CTDSPL: variants seen among roughly 807,000 people sequenced by gnomAD.
CTDSPL encodes the protein CTD small phosphatase like.
A neutral mutation model predicts 30.5 loss-of-function variants in CTDSPL; 8 were observed. That is an observed-to-expected ratio of 0.26 (90% CI 0.15 to 0.47). The LOEUF (loss-of-function observed/expected upper bound fraction) is 0.47. CTDSPL is among the 20% of genes least tolerant of loss of function. The pLI, the probability that CTDSPL is intolerant of heterozygous loss-of-function variation, is 0.99. For missense variants in CTDSPL, 248 were observed against 366.1 expected, an observed-to-expected ratio of 0.68 and a Z score of 2.63; for synonymous variants, 110 against 137.9, an observed-to-expected ratio of 0.80 and a Z score of 1.42.
At position 37,960,529 on chromosome 3, in the gene CTDSPL, TATATATACACACAC is replaced by T. The variant is rs1194279716; in HGVS notation, c.267+3388_267+3401del. ...AAATATATATATATATATATATATA[TATATATACACACAC>T]ACACACACACACACACACACACACA... On this transcript the variant is annotated intron_variant, in intron 3 of 7. Coordinates refer to ENST00000273179, the MANE Select transcript of CTDSPL (RefSeq NM_001008392.2). Among the ~76,000 whole-genome samples, 383 of 59,582 alleles carry T rather than the reference TATATATACACACAC, an allele frequency of 6.4e-3. 1 individual carries two copies. The highest frequency in any genetic ancestry group is 0.015 in the African/African-American group (197 of 12,884). The allele number at this position is 59,582 out of a possible 152,430, so 39.1% of individuals were successfully genotyped here.
intron 1 of CTDSPL, among the ~76,000 whole-genome samples, chr3:37,886,595 C>T (rs1477628893): frequency 6.6e-6 from 1 of 152,174 alleles, no homozygotes; most frequent in East Asian, 1.9e-4. Flanking sequence ...TAATGAGGTG[C>T]CTGATATTCA....
intron 1 of CTDSPL, among the ~76,000 whole-genome samples, chr3:37,866,568 G>A (rs971089363): frequency 6.6e-6 from 1 of 152,026 alleles, no homozygotes; most frequent in African/African-American, 2.4e-5. Context: ...TAATTTGAGG[G>A]AATTGAACAA....
At chr3:37,873,604 G>T (rs148376516) in intron 1 of CTDSPL, among the ~76,000 whole-genome samples, 1 of 152,140 alleles carries the variant, frequency 6.6e-6, no homozygotes, top group African/African-American at 2.4e-5. Flanking sequence ...ACAGGAAGAC[G>T]TATGTCTACT....
chr3:37,881,718 G>A (rs532326275), intron 1 of CTDSPL, among the ~76,000 whole-genome samples: 10 of 151,972 alleles, frequency 6.6e-5, no homozygotes, highest in South Asian at 2.1e-4. Context: ...GTGTGAAAAC[G>A]TGCAAAAAAT....
At chr3:37,965,601 A>G (rs1699291424) in intron 4 of CTDSPL, among the ~76,000 whole-genome samples, 1 of 152,150 alleles carries the variant, frequency 6.6e-6, no homozygotes, top group Admixed American at 6.5e-5. Context: ...CTTCACTGAG[A>G]GACATGAAGG....
chr3:37,967,446 G>A (rs952296115), intron 4 of CTDSPL, among the ~76,000 whole-genome samples: 4 of 152,204 alleles, frequency 2.6e-5, no homozygotes, highest in African/African-American at 7.2e-5. Flanking sequence ...AAGCAGCACT[G>A]TCCTCGGAGC....
intron 1 of CTDSPL, among the ~76,000 whole-genome samples, chr3:37,940,028 G>A (rs1341149396): frequency 6.7e-6 from 1 of 149,862 alleles, no homozygotes; most frequent in East Asian, 2.0e-4. Flanking sequence ...GGAGGCAGAG[G>A]TTGCAGTGTG....
At chr3:37,974,080 A>G (rs971094066) in intron 6 of CTDSPL, among the ~76,000 whole-genome samples, 1 of 152,164 alleles carries the variant, frequency 6.6e-6, no homozygotes, top group African/African-American at 2.4e-5. Context: ...ATTGTTAGTG[A>G]TAGTGTATTT....
At position 37,964,032 on chromosome 3, in the gene CTDSPL, TAAAAAAAAAAAAAAAA is replaced by T. The variant is rs58061973; in HGVS notation, c.268-517_268-502del. 3.3e-3 allele frequency among the ~76,000 whole-genome samples: 77 copies of T among 22,990 alleles called. 1 individual carries two copies. The highest frequency in any genetic ancestry group is 0.025 in the Admixed American group (33 of 1,330). 15.1% of individuals were successfully genotyped at this position (22,990 alleles called of 152,430 possible). A position where few individuals can be genotyped will look rare whatever the true frequency, so the allele number is the denominator to read the frequency against. On this transcript the variant is annotated intron_variant, in intron 3 of 7. Transcript: ENST00000273179. ...CAAGTTTTTTAAAAATCTCAGTCAC[TAAAAAAAAAAAAAAAA>T]AAAAAAAAAAAAAAAAAAAAATCTG... is the stretch of plus-strand genomic sequence containing the variant.
Position 37,984,388 on chromosome 3 carries a change from G to C in CTDSPL, c.*3521G>C. On this transcript the variant is annotated 3_prime_UTR_variant, in exon 8 of 8. Transcript: ENST00000273179. ...TTAGGAAATGCTACATGCGGAATGT[G>C]CACGTTTCCAGGGGCGAGTATTGTC... 1 of 441,992 alleles carries C rather than the reference G, an allele frequency of 2.3e-6. No individual in the cohort carries two copies. The highest frequency in any genetic ancestry group is 2.4e-5 in the Admixed American group (1 of 42,286). 27.4% of individuals were successfully genotyped at this position (441,992 alleles called of 1,614,324 possible).
rs549269446 is a variant in CTDSPL at position 37,904,389 on chromosome 3, G to C, written c.79+42111G>C. Among the ~76,000 whole-genome samples the C allele has an allele frequency of 1.6e-4, 25 of 152,274 alleles. No individual in the cohort carries two copies. In the South Asian group the frequency reaches 5.0e-3, roughly 30 times the overall value. ...GAGGAAAGGACCCGCCCAGTGGATG[G>C]AAGACCCTAGGGTACTGATCTCACC... is the stretch of plus-strand genomic sequence containing the variant. On this transcript the variant is annotated intron_variant, in intron 1 of 7. Transcript: ENST00000273179.
At chr3:37,895,305 T>A (rs1456902384) in intron 1 of CTDSPL, among the ~76,000 whole-genome samples, 1 of 152,194 alleles carries the variant, frequency 6.6e-6, no homozygotes, top group African/African-American at 2.4e-5. Flanking sequence ...AATTCTCGGC[T>A]TAGTTATTTT....
intron 1 of CTDSPL, among the ~76,000 whole-genome samples, chr3:37,927,587 C>G (rs1057243704): frequency 1.3e-5 from 2 of 150,580 alleles, no homozygotes; most frequent in African/African-American, 4.9e-5. Flanking sequence ...ATTGTGGCTT[C>G]TCCCAAGGCC....
intron 4 of CTDSPL, 123 bp from the exon 5 acceptor site, chr3:37,967,700 ATCC>A (rs1699314039): frequency 4.8e-6 from 3 of 628,488 alleles, no homozygotes; most frequent in Admixed American, 3.5e-5. Context: ...ATGCTTCATC[ATCC>A]TCCTCCTGAA....
At chr3:37,926,029 T>C in intron 1 of CTDSPL, among the ~76,000 whole-genome samples, 1 of 152,236 alleles carries the variant, frequency 6.6e-6, no homozygotes, top group Non-Finnish European at 1.5e-5. Flanking sequence ...TATTCCACAG[T>C]AGCTGACATA....
intron 3 of CTDSPL, among the ~76,000 whole-genome samples, chr3:37,960,499 AAAAAAAATAT>A (rs1242372330): frequency 3.1e-5 from 2 of 64,834 alleles, no homozygotes; most frequent in African/African-American, 7.0e-5. Flanking sequence ...AAAAAAAAAA[AAAAAAAATAT>A]ATATATATAT....
chr3:37,974,146 G>A (rs983382219), intron 6 of CTDSPL, among the ~76,000 whole-genome samples: 1 of 152,230 alleles, frequency 6.6e-6, no homozygotes, highest in African/African-American at 2.4e-5. Flanking sequence ...GCCGAAAGAT[G>A]GGATACCCCT....
rs561978704 is a variant in CTDSPL, at chr3:37,899,644, T to C, written c.79+37366T>C. 5.3e-5 allele frequency among the ~76,000 whole-genome samples: 8 copies of C among 152,224 alleles called. 1 individual carries two copies. The South Asian group carries it at 1.5e-3, about 28-fold the overall frequency. ...CTGAAGGCATGAGGATCAGAGAAGA[T>C]AGCAGAGAAGAAAGTGAGGAGGCCA... is the stretch of plus-strand genomic sequence containing the variant. On this transcript the variant is annotated intron_variant, in intron 1 of 7. Coordinates refer to ENST00000273179, the MANE Select transcript of CTDSPL (RefSeq NM_001008392.2).
At chr3:37,890,984 C>A (rs1698318872) in intron 1 of CTDSPL, among the ~76,000 whole-genome samples, 1 of 152,202 alleles carries the variant, frequency 6.6e-6, no homozygotes, top group East Asian at 1.9e-4. Flanking sequence ...AATGACAATT[C>A]TACTTCACTG....
Sources: gnomAD v4.1 joint callset for allele counts (sites outside exome capture counted in the v4.1 genomes callset) on GRCh38, gnomAD v4.1.1 for gene constraint, MANE v1.5 for transcripts, NCBI Gene and HGNC (gene_info 2026-07-23, HGNC 2026-07-21) for gene names.